The following KLC1 variants were observed in gnomAD, a reference collection of about 807,000 sequenced individuals.
KLC1 encodes kinesin light chain 1.
A neutral mutation model predicts 84.2 loss-of-function variants in KLC1; 30 were observed. That is an observed-to-expected ratio of 0.36 (90% CI 0.27 to 0.48). The LOEUF is 0.48. KLC1 is among the 20% of genes least tolerant of loss of function. The pLI is 0.99. For synonymous variants in KLC1, 289 were observed against 293.3 expected (o/e 0.99, Z 0.15); for missense variants, 499 against 805.4 (o/e 0.62, Z 4.60).
chr14:103,688,238 C>T (rs1002064049), intron 14 of KLC1: 19 of 152,270 alleles, frequency 1.2e-4, no homozygotes, highest in African/African-American at 3.6e-4. Context: ...CAACCTCCGC[C>T]TCCTGGGTTC....
chr14:103,645,905 C>T (rs986754199), intron 1 of KLC1, among the ~76,000 whole-genome samples: 2 of 151,862 alleles, frequency 1.3e-5, no homozygotes, highest in Non-Finnish European at 2.9e-5. Context: ...CTACAGGCAC[C>T]CGCCACCATG....
intron 15 of KLC1, chr14:103,696,468 T>A (rs1821897013): frequency 1.0e-6 from 1 of 984,532 alleles, no homozygotes; most frequent in Non-Finnish European, 1.2e-6. Flanking sequence ...TTGCTAATGA[T>A]GTATCGTTAC....
chr14:103,699,226 C>A, intron 15 of KLC1: 1 of 1,543,896 alleles, frequency 6.5e-7, no homozygotes. Context: ...AGGGTCTTCT[C>A]GATGGTTAGG....
At chr14:103,669,031 G>C (rs1217629363) in intron 5 of KLC1, among the ~76,000 whole-genome samples, 1 of 151,942 alleles carries the variant, frequency 6.6e-6, no homozygotes, top group Non-Finnish European at 1.5e-5. Flanking sequence ...GCCCGCCTCA[G>C]CCTCCCAAAG....
At chr14:103,653,025 T>A (rs764841775) in intron 1 of KLC1, among the ~76,000 whole-genome samples, 2 of 152,214 alleles carry the variant, frequency 1.3e-5, no homozygotes, top group Non-Finnish European at 2.9e-5. Context: ...TGATTCAGCT[T>A]TTCTTCCCTT....
intron 3 of KLC1, among the ~76,000 whole-genome samples, chr14:103,658,881 TCTC>T (rs1448909126): frequency 4.6e-5 from 7 of 152,002 alleles, no homozygotes; most frequent in Non-Finnish European, 2.9e-5. Context: ...ATGGTCTTGA[TCTC>T]CTGACCTTGT....
chr14:103,653,522 G>C (rs547927890), intron 1 of KLC1, among the ~76,000 whole-genome samples: 12 of 152,098 alleles, frequency 7.9e-5, no homozygotes, highest in Non-Finnish European at 2.9e-5. Flanking sequence ...GGGTTTCGCC[G>C]TGTTGGCCGG....
rs1450249218 is a variant in KLC1, at chr14:103,656,168, G to GTA, written c.261+1344_261+1345dup. 2.6e-5 allele frequency among the ~76,000 whole-genome samples: 4 copies of GTA among 152,282 alleles called. No individual in the cohort carries two copies. The East Asian group carries it at 7.7e-4, about 29-fold the overall frequency. ...TTGAAGGCTGCTGCTTTGATGATGTGTACAGCAGTGCTTACATTGCATTGG... is the reference window on the plus strand; with the variant it reads ...TTGAAGGCTGCTGCTTTGATGATGTGTATACAGCAGTGCTTACATTGCATTGG... On this transcript the variant is annotated intron_variant, in intron 2 of 16. Transcript: ENST00000334553.
intron 15 of KLC1, chr14:103,698,859 G>GAGGAGGGGGGC: frequency 6.2e-7 from 1 of 1,607,780 alleles, no homozygotes; most frequent in Non-Finnish European, 8.5e-7. Context: ...GTAGGAACAG[G>GAGGAGGGGGGC]AGGAGGGGGG....
intron 5 of KLC1, among the ~76,000 whole-genome samples, chr14:103,666,282 C>G (rs751614561): frequency 2.0e-5 from 3 of 152,118 alleles, no homozygotes; most frequent in East Asian, 1.9e-4. Context: ...CCAGGATGGT[C>G]TTGATCTCCT....
chr14:103,689,262 A>G (rs1374176386), intron 14 of KLC1, among the ~76,000 whole-genome samples: 6 of 152,134 alleles, frequency 3.9e-5, no homozygotes, highest in Non-Finnish European at 7.3e-5. Context: ...TGTAACTTGG[A>G]CCACACTCCC....
intron 7 of KLC1, among the ~76,000 whole-genome samples, chr14:103,672,168 G>A (rs1047634332): frequency 3.9e-5 from 6 of 152,130 alleles, no homozygotes; most frequent in African/African-American, 1.4e-4. Context: ...GGGAAGGTCG[G>A]TGTTGGAACT....
At chr14:103,678,182 G>A (rs1468763676) in intron 12 of KLC1, among the ~76,000 whole-genome samples, 4 of 152,196 alleles carry the variant, frequency 2.6e-5, no homozygotes, top group Non-Finnish European at 5.9e-5. Context: ...AGAGTCGCTT[G>A]AACTCAGGAG....
chr14:103,682,814 T>C (rs1048536557), intron 13 of KLC1: 2 of 148,442 alleles, frequency 1.3e-5, no homozygotes, highest in African/African-American at 5.0e-5. Flanking sequence ...AGATGGAGGT[T>C]GCCCAGGCTG....
intron 15 of KLC1, chr14:103,696,524 T>TG (rs947175943): frequency 1.4e-5 from 14 of 985,474 alleles, no homozygotes; most frequent in African/African-American, 1.4e-4. Flanking sequence ...GGAATTTTCT[T>TG]GGAGGATGTC....
chr14:103,701,514 A>AT lies in KLC1; in HGVS notation c.*322dup, dbSNP rs931492509. The AT allele has an allele frequency of 1.6e-5, 6 of 368,308 alleles. No homozygotes were observed. The highest frequency in any genetic ancestry group is 7.0e-4 in the Middle Eastern group (1 of 1,434). 22.8% of individuals were successfully genotyped at this position (368,308 alleles called of 1,614,324 possible). ...TGTGCGATAACGTATTTTATTGTAC[A>AT]TTTTTTTAAATTAAAAGTTTATATG... is the stretch of plus-strand genomic sequence containing the variant. On this transcript the variant is annotated 3_prime_UTR_variant, in exon 17 of 17. Coordinates refer to ENST00000334553, the MANE Select transcript of KLC1 (RefSeq NM_001394837.1).
At chr14:103,642,289 A>G (rs1476828048) in intron 1 of KLC1, among the ~76,000 whole-genome samples, 1 of 151,570 alleles carries the variant, frequency 6.6e-6, no homozygotes, top group African/African-American at 2.4e-5. Context: ...TGGCCTAATC[A>G]CCTCCCAAAG....
rs565452162 is a variant in KLC1, at chr14:103,662,630, A to C, written c.572-72A>C. On this transcript the variant is annotated intron_variant, in intron 4 of 16. Coordinates refer to ENST00000334553, the MANE Select transcript of KLC1 (RefSeq NM_001394837.1). Reference sequence around the variant, plus strand: ...AACTTGAACCAAAGTTAGTAAAGATAATTTTAAAGAAACTGACTCATCTGG... The same window carrying C: ...AACTTGAACCAAAGTTAGTAAAGATCATTTTAAAGAAACTGACTCATCTGG... The C allele has an allele frequency of 8.3e-5, 102 of 1,232,520 alleles. No homozygotes were observed. The East Asian group carries it at 2.1e-3, about 26-fold the overall frequency. 76.3% of individuals were successfully genotyped at this position (1,232,520 alleles called of 1,614,324 possible). A position where few individuals can be genotyped will look rare whatever the true frequency, so the allele number is the denominator to read the frequency against.
chr14:103,684,550 C>T (rs1190458421), intron 13 of KLC1, among the ~76,000 whole-genome samples: 1 of 152,200 alleles, frequency 6.6e-6, no homozygotes, highest in Non-Finnish European at 1.5e-5. Context: ...CAGACCCGCT[C>T]CACTGCCAAC....
Sources: allele counts gnomAD v4.1 joint callset (sites outside exome capture counted in the v4.1 genomes callset), GRCh38; gene constraint gnomAD v4.1.1; transcripts MANE v1.5; gene names NCBI Gene and HGNC (gene_info 2026-07-23, HGNC 2026-07-21).